The following FRMPD2 variants were observed in gnomAD, a reference collection of about 807,000 sequenced individuals.
FRMPD2 encodes FERM and PDZ domain containing 2.
A neutral mutation model predicts 140.1 loss-of-function variants in FRMPD2; 96 were observed. The ratio of observed to expected loss-of-function variants is 0.69; its 90% confidence interval spans 0.58 to 0.81. FRMPD2 has a LOEUF of 0.81. Ranked by LOEUF, FRMPD2 falls within the 40% of genes least tolerant of loss-of-function variation. The pLI, the probability that FRMPD2 is intolerant of heterozygous loss-of-function variation, is 0.00. For synonymous variants in FRMPD2, 449 were observed against 547.6 expected, an observed-to-expected ratio of 0.82 and a Z score of 2.52; for missense variants, 1,240 against 1,447.4, an observed-to-expected ratio of 0.86 and a Z score of 2.32.
chr10:48,204,296 G>A lies in FRMPD2; in HGVS notation c.1797+2452C>T, dbSNP rs113991165. On this transcript the variant is annotated intron_variant, in intron 14 of 28. Transcript: ENST00000374201. Reference sequence around the variant, plus strand: ...ATACCGCATTATCAACACATGACACGTTTTTTTTTATGGGAATCCCATGAA... The same window carrying A: ...ATACCGCATTATCAACACATGACACATTTTTTTTTATGGGAATCCCATGAA... Among the ~76,000 whole-genome samples the A allele has an allele frequency of 2.7e-3, 408 of 151,280 alleles. 3 individuals are homozygous for A. Among genetic ancestry groups the A allele is most frequent in the African/African-American group, 8.3e-3 (344 of 41,276 alleles).
chr10:48,174,890 A>G lies in FRMPD2; in HGVS notation c.3055T>C (p.Cys1019Arg), dbSNP rs1838365362. The G allele has an allele frequency of 1.3e-5, 8 of 612,248 alleles. 1 individual carries two copies. Among genetic ancestry groups the G allele is most frequent in the Non-Finnish European group, 2.3e-5 (8 of 344,382 alleles). 37.9% of individuals were successfully genotyped at this position (612,248 alleles called of 1,614,324 possible). Residue 1019 changes from cysteine (C) to arginine (R), a missense_variant, in exon 24 of 29, where the codon TGC (cysteine) becomes CGC (arginine). By Grantham distance (180) the Cys-to-Arg change is radical. This residue lies in a region of FRMPD2 where 22 missense variants were observed against 35.3 expected (regional missense o/e 0.62). Transcript: ENST00000374201. The part of the protein sequence containing the change: ...CGLTHKQAVQ[C>R]LTGPGQVARL... Reference sequence around the variant, plus strand: ...CTCACCTGCCCAGGACCCGTCAGGCACTGCACAGCCTGCTTGTGGGTGAGG... The same window carrying G: ...CTCACCTGCCCAGGACCCGTCAGGCGCTGCACAGCCTGCTTGTGGGTGAGG...
At chr10:48,195,199 C>T (rs1838923280) in intron 15 of FRMPD2, among the ~76,000 whole-genome samples, 1 of 152,218 alleles carries the variant, frequency 6.6e-6, no homozygotes, top group African/African-American at 2.4e-5. Context: ...TGAGACCAAC[C>T]CTGTAGCCCC....
chr10:48,260,383 G>GGAGAT (rs1411506732), intron 1 of FRMPD2, among the ~76,000 whole-genome samples: 1 of 152,156 alleles, frequency 6.6e-6, no homozygotes, highest in African/African-American at 2.4e-5. Flanking sequence ...TCCAAGGGCA[G>GGAGAT]GAGATGAGAT....
chr10:48,240,618 A>T (rs1840085671), intron 5 of FRMPD2, 126 bp from the exon 6 acceptor site: 1 of 1,328,452 alleles, frequency 7.5e-7, no homozygotes. Context: ...TGACCTAAAG[A>T]TGTGTTCTCT....
intron 6 of FRMPD2, among the ~76,000 whole-genome samples, chr10:48,240,065 T>A (rs1418252159): frequency 1.3e-5 from 2 of 152,120 alleles, no homozygotes; most frequent in African/African-American, 4.8e-5. Flanking sequence ...AAAAATCAAG[T>A]TTTTCTTTTC....
intron 24 of FRMPD2, among the ~76,000 whole-genome samples, chr10:48,173,373 A>T (rs1838318195): frequency 6.6e-6 from 1 of 151,880 alleles, no homozygotes; most frequent in Admixed American, 6.6e-5. Context: ...GTTCTTCCTA[A>T]AACACTCCTC....
intron 1 of FRMPD2, among the ~76,000 whole-genome samples, chr10:48,260,066 T>G (rs1404994114): frequency 6.6e-6 from 1 of 151,990 alleles, no homozygotes; most frequent in Non-Finnish European, 1.5e-5. Flanking sequence ...AGGTATAACA[T>G]ATGTGTAAAA....
chr10:48,238,514 A>G (rs892517252), intron 7 of FRMPD2, among the ~76,000 whole-genome samples: 1 of 152,226 alleles, frequency 6.6e-6, no homozygotes, highest in Non-Finnish European at 1.5e-5. Flanking sequence ...ATATTGTTTA[A>G]GGAATCAGGG....
intron 1 of FRMPD2, among the ~76,000 whole-genome samples, chr10:48,252,148 G>A (rs886953854): frequency 1.3e-4 from 20 of 152,140 alleles, no homozygotes; most frequent in African/African-American, 4.3e-4. Context: ...GCCACATGTA[G>A]AGTCAGATTT....
chr10:48,260,060 A>T (rs1840555469), intron 1 of FRMPD2, among the ~76,000 whole-genome samples: 2 of 152,140 alleles, frequency 1.3e-5, no homozygotes, highest in South Asian at 4.1e-4. Context: ...TACAAAAGGT[A>T]TAACATATGT....
rs267602499 is a variant in FRMPD2 at position 48,232,119 on chromosome 10, C to T, written c.1164G>A (p.Met388Ile). 3 of 1,614,142 alleles carry T rather than the reference C, an allele frequency of 1.9e-6. No individual in the cohort carries two copies. The South Asian group carries it at 3.3e-5, about 18-fold the overall frequency. Residue 388 changes from methionine (M) to isoleucine (I), a missense_variant, in exon 10 of 29, where the codon ATG (methionine) becomes ATA (isoleucine). Physicochemically the swap from Met to Ile is conservative, Grantham distance 10. Coordinates refer to ENST00000374201, the MANE Select transcript of FRMPD2 (RefSeq NM_001018071.4). ...EELTYFGLAY[M>I]KSKEFFFLDS... ...AGCTGCCCAAGAGATGCTTACTTTT[C>T]ATATACGCCAAGCCAAAGTAGGTGA...
At chr10:48,174,543 C>T (rs1393977884) in intron 24 of FRMPD2, among the ~76,000 whole-genome samples, 3 of 151,782 alleles carry the variant, frequency 2.0e-5, no homozygotes, top group Non-Finnish European at 2.9e-5. Flanking sequence ...CTGGGGCAGC[C>T]AGAGCCAGGC....
intron 1 of FRMPD2, among the ~76,000 whole-genome samples, chr10:48,253,535 AACCCC>A (rs2131972041): frequency 6.6e-6 from 1 of 152,314 alleles, no homozygotes; most frequent in South Asian, 2.1e-4. Flanking sequence ...CAGTTAGAAA[AACCCC>A]ACCCAATATC....
At chr10:48,221,161 T>G (rs1839577480) in intron 12 of FRMPD2, among the ~76,000 whole-genome samples, 1 of 152,046 alleles carries the variant, frequency 6.6e-6, no homozygotes, top group Admixed American at 6.6e-5. Context: ...GCAGCACAAT[T>G]CCCAATTGCA....
intron 10 of FRMPD2, among the ~76,000 whole-genome samples, chr10:48,231,778 G>C (rs1839852961): frequency 6.6e-6 from 1 of 152,132 alleles, no homozygotes; most frequent in Non-Finnish European, 1.5e-5. Flanking sequence ...CCTAGGGTCA[G>C]GGTACTAAGT....
intron 10 of FRMPD2, 64 bp downstream of exon 10, chr10:48,232,051 G>C (rs1839859085): frequency 4.8e-6 from 7 of 1,464,650 alleles, no homozygotes; most frequent in Non-Finnish European, 6.7e-6. Context: ...CAGAGCTCAG[G>C]TACCCAGATA....
Position 48,184,590 on chromosome 10 carries a change from C to T in FRMPD2, c.2560G>A (p.Glu854Lys), listed in dbSNP as rs752089946. Residue 854 changes from glutamate to lysine, a missense_variant, in exon 20 of 29, where the codon GAA becomes AAA. Glu to Lys is a moderately conservative substitution (Grantham distance 56). Transcript: ENST00000374201. Reference protein sequence around the residue: ...RMIQNSPDNIELIISQSKGVG... With the variant: ...RMIQNSPDNIKLIISQSKGVG... The stretch of plus-strand genomic sequence containing the variant: ...CCTTTTGACTGAGAAATAATTAATT[C>T]TATGTTGTCAGGGGAATTCTGGATC... 1.2e-6 allele frequency: 2 copies of T among 1,610,798 alleles called. No individual in the cohort carries two copies. Among genetic ancestry groups the T allele is most frequent in the South Asian group, 2.2e-5 (2 of 91,028 alleles).
intron 3 of FRMPD2, among the ~76,000 whole-genome samples, chr10:48,246,902 G>A (rs1480584772): frequency 6.6e-6 from 1 of 152,214 alleles, no homozygotes; most frequent in Non-Finnish European, 1.5e-5. Context: ...TGGTCACTCT[G>A]CCTCCTTGCC....
intron 19 of FRMPD2, 24 bp downstream of exon 19, chr10:48,184,750 C>G (rs1838637012): frequency 9.4e-6 from 15 of 1,599,174 alleles, no homozygotes; most frequent in Non-Finnish European, 1.3e-5. Flanking sequence ...AAAACAGCAT[C>G]TCTAGTAATT....
Sources: allele counts gnomAD v4.1 joint callset (sites outside exome capture counted in the v4.1 genomes callset), GRCh38; gene constraint gnomAD v4.1.1; regional missense constraint gnomAD v4.1.1; transcripts MANE v1.5; gene names NCBI Gene and HGNC (gene_info 2026-07-23, HGNC 2026-07-21).